ATP2C2: variants seen among roughly 807,000 people sequenced by gnomAD.
The protein encoded by ATP2C2 is calcium-transporting ATPase type 2C member 2.
Under a neutral mutation model 110.8 loss-of-function variants are expected in ATP2C2, and 171 were observed. The ratio of observed to expected loss-of-function variants is 1.54; its 90% confidence interval spans 1.36 to 1.75. ATP2C2 has a LOEUF of 1.75. Among genes scored for constraint, ATP2C2 ranks in the 40% most tolerant of loss-of-function variants. The pLI is 0.00. For synonymous variants in ATP2C2, 804 were observed against 508.4 expected (o/e 1.58, Z -7.82); for missense variants, 1,963 against 1,235.0 (o/e 1.59, Z -8.84).
At chr16:84,382,874 C>T (rs1028066226) in intron 1 of ATP2C2, among the ~76,000 whole-genome samples, 5 of 134,226 alleles carry the variant, frequency 3.7e-5, no homozygotes, top group African/African-American at 1.1e-4. Flanking sequence ...CCAGCGTGGG[C>T]GACAGAGCAA....
intron 20 of ATP2C2, 37 bp downstream of exon 20, chr16:84,453,408 G>C (rs576143758): frequency 1.2e-6 from 2 of 1,612,820 alleles, no homozygotes; most frequent in Non-Finnish European, 1.7e-6. Context: ...TGCGCTGCTG[G>C]GGCCGGGCCA....
At chr16:84,409,278 A>G (rs546974795) in intron 4 of ATP2C2, among the ~76,000 whole-genome samples, 2 of 152,306 alleles carry the variant, frequency 1.3e-5, no homozygotes, top group South Asian at 4.1e-4. Context: ...GGTGGGGAAC[A>G]TCACACACTC....
At chr16:84,451,805 T>C in intron 17 of ATP2C2, 116 bp from the exon 18 acceptor site, 1 of 1,107,622 alleles carries the variant, frequency 9.0e-7, no homozygotes, top group Non-Finnish European at 1.3e-6. Flanking sequence ...ACCACTGCAC[T>C]CCAACCTGGG....
At chr16:84,452,652 C>G (rs1910398570) in intron 18 of ATP2C2, among the ~76,000 whole-genome samples, 1 of 152,102 alleles carries the variant, frequency 6.6e-6, no homozygotes, top group South Asian at 2.1e-4. Context: ...GCACCCACCA[C>G]CGCGCCCAGC....
intron 11 of ATP2C2, among the ~76,000 whole-genome samples, chr16:84,430,573 G>A (rs890054803): frequency 1.3e-5 from 2 of 151,158 alleles, no homozygotes; most frequent in African/African-American, 4.9e-5. Context: ...CCGGGAGGCA[G>A]AGGTTGTAGT....
intron 1 of ATP2C2, among the ~76,000 whole-genome samples, chr16:84,378,941 C>A (rs1397487891): frequency 6.6e-6 from 1 of 152,074 alleles, no homozygotes; most frequent in Non-Finnish European, 1.5e-5. Context: ...CCAGCCACTC[C>A]TCTGGCCCTC....
intron 1 of ATP2C2, among the ~76,000 whole-genome samples, chr16:84,383,851 G>A (rs755818739): frequency 2.8e-5 from 4 of 142,964 alleles, no homozygotes; most frequent in Non-Finnish European, 4.5e-5. Context: ...GAGCAGTAGC[G>A]CAATCTCGGC....
chr16:84,441,894 C>G (rs2435173), intron 14 of ATP2C2, among the ~76,000 whole-genome samples: 91,437 of 151,902 alleles, frequency 0.6, 28,200 homozygotes, highest in East Asian at 0.94. Context: ...CTGCACTCCA[C>G]CCTGGGTAAT....
At chr16:84,459,937 A>C (rs763044296) in intron 23 of ATP2C2, 25 of 264,512 alleles carry the variant, frequency 9.5e-5, no homozygotes, top group Non-Finnish European at 1.6e-4. Context: ...CCCCTTCAAC[A>C]AGCTGGCCAA....
At chr16:84,430,564 C>T (rs376957618) in intron 11 of ATP2C2, among the ~76,000 whole-genome samples, 34 of 147,754 alleles carry the variant, frequency 2.3e-4, no homozygotes, top group African/African-American at 8.0e-4. Context: ...TGCTTGAACC[C>T]GGGAGGCAGA....
At chr16:84,463,554 C>T in intron 26 of ATP2C2, 60 bp from the exon 27 acceptor site, 1 of 1,457,882 alleles carries the variant, frequency 6.9e-7, no homozygotes, top group Non-Finnish European at 9.6e-7. Context: ...GAAGGCGCTT[C>T]CTGCCGGCGC....
chr16:84,398,643 G>C, intron 2 of ATP2C2, 34 bp downstream of exon 2: 2 of 1,524,582 alleles, frequency 1.3e-6, no homozygotes. Flanking sequence ...AGCTAATTGT[G>C]ATAAGGTTTT....
At chr16:84,384,741 C>G (rs1271100929) in intron 1 of ATP2C2, among the ~76,000 whole-genome samples, 1 of 152,204 alleles carries the variant, frequency 6.6e-6, no homozygotes, top group Non-Finnish European at 1.5e-5. Flanking sequence ...TTAGTCCCTT[C>G]TCACACTGCT....
intron 11 of ATP2C2, among the ~76,000 whole-genome samples, chr16:84,434,020 A>G (rs1282615368): frequency 1.3e-5 from 2 of 152,170 alleles, no homozygotes; most frequent in East Asian, 3.9e-4. Context: ...AGCCGCTGAA[A>G]GCCACTGAGT....
rs8048576 is a variant in ATP2C2 at position 84,389,428 on chromosome 16, G to T, written c.100-9071G>T. On this transcript the variant is annotated intron_variant, in intron 1 of 26. Transcript: ENST00000262429. Reference sequence around the variant, plus strand: ...TCGGCTTGTTCATGCCTCTGGTGTCGTCAGATTTACACATGACACACAGTC... The same window carrying T: ...TCGGCTTGTTCATGCCTCTGGTGTCTTCAGATTTACACATGACACACAGTC... Among the ~76,000 whole-genome samples, 26 of 152,270 alleles carry T rather than the reference G, an allele frequency of 1.7e-4. No homozygotes were observed. The East Asian group carries it at 4.8e-3, about 28-fold the overall frequency.
intron 11 of ATP2C2, among the ~76,000 whole-genome samples, chr16:84,433,277 G>C (rs780726233): frequency 6.6e-6 from 1 of 152,116 alleles, no homozygotes; most frequent in Non-Finnish European, 1.5e-5. Context: ...CAGCTACTTG[G>C]GAGGCTGAGG....
In ATP2C2 at chr16:84,461,993, G is replaced by T. The variant is rs971359329; in HGVS notation, c.2586G>T (p.Lys862Asn). ...GTGTGACCTTCTCCCTGCAGACCAA[G>T]CTGATATTTGAGATCGGCTTTCTCA... ...FNALTCRSQT[K>N]LIFEIGFLRN... Residue 862 changes from lysine to asparagine, a missense_variant, in exon 26 of 27, where the codon AAG becomes AAT. Transcript: ENST00000262429. The T allele has an allele frequency of 6.2e-7, 1 of 1,613,570 alleles. No homozygotes were observed. Among genetic ancestry groups the T allele is most frequent in the African/African-American group, 1.3e-5 (1 of 75,046 alleles).
At chr16:84,433,266 C>G (rs1360645854) in intron 11 of ATP2C2, among the ~76,000 whole-genome samples, 1 of 152,010 alleles carries the variant, frequency 6.6e-6, no homozygotes, top group Non-Finnish European at 1.5e-5. Flanking sequence ...GCTTGTAGCC[C>G]CAGCTACTTG....
In ATP2C2 at chr16:84,375,172, A is replaced by G. The variant is rs529826788; in HGVS notation, c.99+6458A>G. Among the ~76,000 whole-genome samples the G allele has an allele frequency of 3.9e-5, 6 of 152,370 alleles. No individual in the cohort carries two copies. In the East Asian group the frequency reaches 1.2e-3, roughly 29 times the overall value. On this transcript the variant is annotated intron_variant, in intron 1 of 26. Transcript: ENST00000262429. ...TATCTAGATAGCAGAATTCTCACAG[A>G]CACTGAAACAGATGCTGTAGAAGCA... is the stretch of plus-strand genomic sequence containing the variant.
Sources: gnomAD v4.1 joint callset for allele counts (sites outside exome capture counted in the v4.1 genomes callset) on GRCh38, gnomAD v4.1.1 for gene constraint, MANE v1.5 for transcripts, NCBI Gene and HGNC (gene_info 2026-07-23, HGNC 2026-07-21) for gene names.